The following TENM1 variants were observed in gnomAD, a reference collection of about 807,000 sequenced individuals.
The protein encoded by TENM1 is teneurin-1.
In TENM1, 35 loss-of-function variants were observed where a neutral mutation model predicts 174.8. The ratio of observed to expected loss-of-function variants is 0.20; its 90% CI spans 0.15 to 0.27. TENM1 has a LOEUF of 0.27. Ranked by LOEUF, TENM1 falls within the 10% of genes least tolerant of loss-of-function variation. The pLI, the probability that TENM1 is intolerant of heterozygous loss-of-function variation, is 1.00. For missense variants in TENM1, 1,633 were observed against 2,130.1 expected, an observed-to-expected ratio of 0.77 and a Z score of 4.59; for synonymous variants, 781 against 798.7, an observed-to-expected ratio of 0.98 and a Z score of 0.37.
At chrX:124,894,553 A>C (rs1032979169) in intron 2 of TENM1, among the ~76,000 whole-genome samples, 1 of 112,000 alleles carries the variant, frequency 8.9e-6, no homozygotes, top group Non-Finnish European at 1.9e-5. Context: ...CAACCATCAC[A>C]TCTATCTAAG....
At chrX:124,828,870 T>C (rs1484421256) in intron 3 of TENM1, among the ~76,000 whole-genome samples, 2 of 112,239 alleles carry the variant, frequency 1.8e-5, no homozygotes, top group African/African-American at 6.5e-5. Flanking sequence ...AGTTCTTTGG[T>C]AGTTTGAAAC....
chrX:125,156,958 C>T, the TENM1 span, among the ~76,000 whole-genome samples: 2 of 112,454 alleles, frequency 1.8e-5, no homozygotes, highest in Non-Finnish European at 3.8e-5. Flanking sequence ...GTATTATGTG[C>T]CAGGCACTGG....
At chrX:124,563,298 G>A (rs1465350348) in intron 13 of TENM1, among the ~76,000 whole-genome samples, 1 of 109,886 alleles carries the variant, frequency 9.1e-6, no homozygotes, top group Non-Finnish European at 1.9e-5. Flanking sequence ...GGACTTAGGA[G>A]TCCTTGTATA....
intron 22 of TENM1, among the ~76,000 whole-genome samples, chrX:124,454,668 G>A (rs369151527): frequency 2.7e-5 from 3 of 111,661 alleles, no homozygotes; most frequent in East Asian, 5.6e-4. Context: ...TCCCAAAGTG[G>A]TGGGATTACA....
chrX:124,514,947 TA>T (rs199902744), intron 18 of TENM1, among the ~76,000 whole-genome samples: 1,648 of 107,528 alleles, frequency 0.015, 21 homozygotes, highest in African/African-American at 0.051. Context: ...CAAAAATCCT[TA>T]AAAAAAAAAT....
At chrX:124,517,343 C>T (rs1267246910) in intron 18 of TENM1, among the ~76,000 whole-genome samples, 1 of 110,191 alleles carries the variant, frequency 9.1e-6, no homozygotes, top group Non-Finnish European at 1.9e-5. Flanking sequence ...AATCATGCTG[C>T]TATAAAGACA....
At chrX:124,960,292 G>A (rs1213518679) in intron 1 of TENM1, among the ~76,000 whole-genome samples, 1 of 111,473 alleles carries the variant, frequency 9.0e-6, no homozygotes, top group Admixed American at 9.6e-5. Flanking sequence ...TTTTAACTTA[G>A]ATCAAATATC....
chrX:124,446,583 C>T (rs780335588), intron 23 of TENM1, among the ~76,000 whole-genome samples: 20 of 112,534 alleles, frequency 1.8e-4, no homozygotes, highest in African/African-American at 5.8e-4. Flanking sequence ...ATGAAGAGGA[C>T]CATTCTCTCA....
the TENM1 span, among the ~76,000 whole-genome samples, chrX:125,189,642 G>C: frequency 1.8e-5 from 2 of 111,679 alleles, no homozygotes; most frequent in Non-Finnish European, 3.8e-5. Flanking sequence ...ACTTCCTTCA[G>C]TTCTCAGCCT....
At chrX:124,487,182 A>C (rs1366645327) in intron 21 of TENM1, 27 bp downstream of exon 24, 1 of 1,159,022 alleles carries the variant, frequency 8.6e-7, no homozygotes, top group Non-Finnish European at 1.2e-6. Context: ...AGGGGGCATT[A>C]GGTAGCTGCT....
intron 3 of TENM1, among the ~76,000 whole-genome samples, chrX:124,797,753 T>C (rs1451353758): frequency 9.1e-6 from 1 of 109,861 alleles, no homozygotes; most frequent in African/African-American, 3.3e-5. Flanking sequence ...CATAGGTATA[T>C]GTGTGCCTTG....
the TENM1 span, among the ~76,000 whole-genome samples, chrX:125,122,071 C>G: frequency 9.0e-6 from 1 of 111,704 alleles, no homozygotes; most frequent in Non-Finnish European, 1.9e-5. Context: ...AAGGCCCTGT[C>G]TCTTAAAACA....
intron 27 of TENM1, among the ~76,000 whole-genome samples, chrX:124,397,390 C>T (rs1005905351): frequency 8.9e-6 from 1 of 111,773 alleles, no homozygotes; most frequent in Admixed American, 9.5e-5. Flanking sequence ...TGCACACCCA[C>T]GCCTGTGAAT....
the TENM1 span, among the ~76,000 whole-genome samples, chrX:124,970,692 T>G: frequency 1.8e-5 from 2 of 111,861 alleles, no homozygotes; most frequent in Non-Finnish European, 3.8e-5. Context: ...TTGGTGGGAC[T>G]GTAAACTAGT....
chrX:125,190,523 T>C, the TENM1 span, among the ~76,000 whole-genome samples: 142 of 111,952 alleles, frequency 1.3e-3, no homozygotes, highest in Non-Finnish European at 2.2e-3. Flanking sequence ...TTTGGTTCTC[T>C]AGTGAGTGAA....
intron 3 of TENM1, among the ~76,000 whole-genome samples, chrX:124,883,971 G>A (rs1362469744): frequency 8.1e-5 from 9 of 111,192 alleles, no homozygotes; most frequent in Non-Finnish European, 1.7e-4. Context: ...GGTCGGCAGG[G>A]GTAGGGTGAT....
the TENM1 span, among the ~76,000 whole-genome samples, chrX:125,169,538 T>G: frequency 3.2e-3 from 360 of 111,740 alleles, 1 homozygote; most frequent in African/African-American, 0.011. Context: ...AGTTTATATC[T>G]GACCATCAGA....
intron 3 of TENM1, among the ~76,000 whole-genome samples, chrX:124,809,575 A>G (rs893002374): frequency 3.9e-4 from 44 of 111,667 alleles, no homozygotes; most frequent in Non-Finnish European, 5.8e-4. Context: ...ATAAAGGACA[A>G]AAACATATGA....
At chrX:125,158,636 C>G in the TENM1 span, among the ~76,000 whole-genome samples, 22 of 110,259 alleles carry the variant, frequency 2.0e-4, no homozygotes, top group African/African-American at 6.9e-4. Context: ...CTAGTACTAA[C>G]TAGATGCACA....
Sources: allele counts gnomAD v4.1 joint callset (sites outside exome capture counted in the v4.1 genomes callset), GRCh38; gene constraint gnomAD v4.1.1; transcripts MANE v1.5; gene names NCBI Gene and HGNC (gene_info 2026-07-23, HGNC 2026-07-21).